FOXO1: variants seen among roughly 807,000 people sequenced by gnomAD.
FOXO1 encodes forkhead box O1, also known as forkhead box protein O1.
FOXO1 carries 6 observed loss-of-function variants against 44.1 expected under a neutral mutation model. The ratio of observed to expected loss-of-function variants is 0.14; its 90% CI spans 0.07 to 0.27. The LOEUF (loss-of-function observed/expected upper bound fraction) is 0.27, where lower values mean the gene tolerates loss of function less well. Ranked by LOEUF, FOXO1 falls within the 10% of genes least tolerant of loss-of-function variation. The pLI, the probability that FOXO1 is intolerant of heterozygous loss-of-function variation, is 1.00. For synonymous variants in FOXO1, 380 were observed against 362.7 expected (o/e 1.05, Z -0.54); for missense variants, 737 against 888.8 (o/e 0.83, Z 2.17).
chr13:40,555,921 C>T lies in FOXO1; in HGVS notation c.*3128G>A, dbSNP rs1294216766. On this transcript the variant is annotated 3_prime_UTR_variant, in exon 3 of 3. Transcript: ENST00000379561. ...AACTCGGGTAGCGAAATGCAGGAGG[C>T]ATGACTACGTCCTGATGGGACTTAC... 6.6e-6 allele frequency: 1 copy of T among 152,668 alleles called. No homozygotes were observed. The highest frequency in any genetic ancestry group is 6.5e-5 in the Admixed American group (1 of 15,290). The allele number at this position is 152,668 out of a possible 1,614,324, so 9.5% of individuals were successfully genotyped here.
chr13:40,614,155 A>G (rs3900833), intron 1 of FOXO1, among the ~76,000 whole-genome samples: 58,629 of 152,014 alleles, frequency 0.39, 12,113 homozygotes, highest in East Asian at 0.73. Context: ...CTAACCTGGC[A>G]CCAGCAGTTC....
At chr13:40,654,243 T>G (rs565239783) in intron 1 of FOXO1, among the ~76,000 whole-genome samples, 40 of 144,324 alleles carry the variant, frequency 2.8e-4, no homozygotes, top group African/African-American at 9.8e-4. Context: ...TTTGGGAGGC[T>G]GAGGTGGGCA....
chr13:40,585,179 G>C (rs1875110607), intron 1 of FOXO1, among the ~76,000 whole-genome samples: 1 of 152,158 alleles, frequency 6.6e-6, no homozygotes, highest in Admixed American at 6.5e-5. Context: ...CGGATAAAAA[G>C]CCAGTTGGTT....
chr13:40,587,187 CA>C (rs1875197550), intron 1 of FOXO1, among the ~76,000 whole-genome samples: 1 of 151,276 alleles, frequency 6.6e-6, no homozygotes, highest in Non-Finnish European at 1.5e-5. Context: ...CTCATTATTC[CA>C]TATTTTTCCA....
At chr13:40,656,267 G>A (rs981047781) in intron 1 of FOXO1, among the ~76,000 whole-genome samples, 2 of 152,130 alleles carry the variant, frequency 1.3e-5, no homozygotes, top group Non-Finnish European at 2.9e-5. Context: ...ATTTAGCTAA[G>A]GCAATATTAG....
chr13:40,624,834 T>C (rs1324712273), intron 1 of FOXO1, among the ~76,000 whole-genome samples: 4 of 152,332 alleles, frequency 2.6e-5, no homozygotes, highest in Middle Eastern at 6.8e-3. Flanking sequence ...CTGGGAATTA[T>C]GCATATAGTT....
At chr13:40,654,746 T>C (rs997761922) in intron 1 of FOXO1, among the ~76,000 whole-genome samples, 1 of 152,072 alleles carries the variant, frequency 6.6e-6, no homozygotes, top group African/African-American at 2.4e-5. Flanking sequence ...TGCTGCAGTG[T>C]AGACCAAGGG....
At chr13:40,563,775 A>T (rs1874145830) in intron 1 of FOXO1, among the ~76,000 whole-genome samples, 2 of 152,284 alleles carry the variant, frequency 1.3e-5, no homozygotes, top group South Asian at 4.1e-4. Flanking sequence ...ACACACATGT[A>T]TGCTCACAGA....
chr13:40,586,574 G>C (rs116880972), intron 1 of FOXO1, among the ~76,000 whole-genome samples: 5,487 of 152,264 alleles, frequency 0.036, 144 homozygotes, highest in Middle Eastern at 0.12. Context: ...ATAGTGTGTA[G>C]GGATAAAAGG....
rs75835242 is a variant in FOXO1, at chr13:40,631,628, T to C, written c.630+33955A>G. On this transcript the variant is annotated intron_variant, in intron 1 of 2. Coordinates refer to ENST00000379561, the MANE Select transcript of FOXO1 (RefSeq NM_002015.4). ...ATAGAGTAGGACACAAGTTACAACA[T>C]GGATGGACCTTGAAGACATTGTGCT... Among the ~76,000 whole-genome samples, 368 of 152,300 alleles carry C rather than the reference T, an allele frequency of 2.4e-3. 5 individuals are homozygous for C. The highest frequency in any genetic ancestry group is 0.01 in the Middle Eastern group (3 of 294).
In FOXO1 at chr13:40,652,386, C is replaced by T. The variant is rs547545591; in HGVS notation, c.630+13197G>A. On this transcript the variant is annotated intron_variant, in intron 1 of 2. Coordinates refer to ENST00000379561, the MANE Select transcript of FOXO1 (RefSeq NM_002015.4). Reference sequence around the variant, plus strand: ...CTGCAACCTCTGGCTCCCCAGGGTCCGCCAACACGCCTGGCTAATTTTTGC... The same window carrying T: ...CTGCAACCTCTGGCTCCCCAGGGTCTGCCAACACGCCTGGCTAATTTTTGC... Among the ~76,000 whole-genome samples, 9 of 151,792 alleles carry T rather than the reference C, an allele frequency of 5.9e-5. 1 individual carries two copies. Among genetic ancestry groups the T allele is most frequent in the Admixed American group, 1.3e-4 (2 of 15,252 alleles).
In FOXO1 at chr13:40,604,384, C is replaced by CTTT. The variant is rs376293825; in HGVS notation, c.631-43527_631-43525dup. On this transcript the variant is annotated intron_variant, in intron 1 of 2. Transcript: ENST00000379561. ...TCTCATAATTAGTCTGGTGTCAGAT[C>CTTT]TTTTTTTTTTTTTATCATTCTTGCC... is the stretch of plus-strand genomic sequence containing the variant. 7.5e-3 allele frequency among the ~76,000 whole-genome samples: 1,106 copies of CTTT among 146,670 alleles called. 14 individuals are homozygous for CTTT. The highest frequency in any genetic ancestry group is 0.025 in the African/African-American group (986 of 39,986).
At chr13:40,591,792 C>G (rs1397268290) in intron 1 of FOXO1, among the ~76,000 whole-genome samples, 2 of 152,152 alleles carry the variant, frequency 1.3e-5, no homozygotes, top group East Asian at 1.9e-4. Context: ...ACCTCCACCT[C>G]CCAGGTCCAA....
intron 1 of FOXO1, among the ~76,000 whole-genome samples, chr13:40,654,198 C>A (rs1197484317): frequency 6.6e-6 from 1 of 151,554 alleles, no homozygotes; most frequent in African/African-American, 2.4e-5. Flanking sequence ...CATCATCTGA[C>A]CAGGCTCGGT....
Position 40,666,246 on chromosome 13 carries a change from G to A in FOXO1, c.-34C>T. 3.7e-6 allele frequency: 5 copies of A among 1,365,938 alleles called. No individual in the cohort carries two copies. Among genetic ancestry groups the A allele is most frequent in the Non-Finnish European group, 4.7e-6 (5 of 1,059,096 alleles). The allele number at this position is 1,365,938 out of a possible 1,614,324, so 84.6% of individuals were successfully genotyped here. On this transcript the variant is annotated 5_prime_UTR_variant, in exon 1 of 3. Coordinates refer to ENST00000379561, the MANE Select transcript of FOXO1 (RefSeq NM_002015.4). ...CCGCCCCTCCCCCAGCCGCAGGAGA[G>A]CCAAGAGGGGGAGAACGCAGCACTG...
At chr13:40,605,184 G>A (rs9549238) in intron 1 of FOXO1, among the ~76,000 whole-genome samples, 25,831 of 151,862 alleles carry the variant, frequency 0.17, 2,542 homozygotes, top group South Asian at 0.29. Flanking sequence ...CACACACTGC[G>A]TGGGCAACTC....
At chr13:40,616,497 A>ATTTTT (rs1427492169) in intron 1 of FOXO1, among the ~76,000 whole-genome samples, 4 of 152,328 alleles carry the variant, frequency 2.6e-5, no homozygotes, top group Middle Eastern at 6.8e-3. Flanking sequence ...ACAAGACAGG[A>ATTTTT]AAAAGGATTT....
At chr13:40,590,833 T>C (rs1192213355) in intron 1 of FOXO1, among the ~76,000 whole-genome samples, 2 of 152,182 alleles carry the variant, frequency 1.3e-5, no homozygotes, top group African/African-American at 2.4e-5. Flanking sequence ...CAAGTAGCAT[T>C]AGGACTTTCA....
intron 1 of FOXO1, among the ~76,000 whole-genome samples, chr13:40,622,699 A>T (rs1255573946): frequency 6.6e-6 from 1 of 152,194 alleles, no homozygotes; most frequent in African/African-American, 2.4e-5. Context: ...TCATGATGAG[A>T]TAGTACACAG....
Sources: gnomAD v4.1 joint callset for allele counts (sites outside exome capture counted in the v4.1 genomes callset) on GRCh38, gnomAD v4.1.1 for gene constraint, MANE v1.5 for transcripts, NCBI Gene and HGNC (gene_info 2026-07-23, HGNC 2026-07-21) for gene names.